The following SBF1 variants were observed in gnomAD, a reference collection of about 807,000 sequenced individuals.
SBF1 encodes the protein SET binding factor 1, also known as myotubularin-related protein 5.
A neutral mutation model predicts 215.8 loss-of-function variants in SBF1; 65 were observed. The observed-to-expected ratio is 0.30, with a 90% CI of 0.25 to 0.37. The LOEUF (loss-of-function observed/expected upper bound fraction) is 0.37. Ranked by LOEUF, SBF1 falls within the 10% of genes least tolerant of loss-of-function variation. SBF1 has a pLI of 1.00. For missense variants in SBF1, 2,634 were observed against 2,667.8 expected, an observed-to-expected ratio of 0.99 and a Z score of 0.28; for synonymous variants, 1,410 against 1,122.8, an observed-to-expected ratio of 1.26 and a Z score of -5.11.
At chr22:50,469,690 G>A (rs2067925667) in intron 1 of SBF1, among the ~76,000 whole-genome samples, 1 of 152,202 alleles carries the variant, frequency 6.6e-6, no homozygotes, top group Non-Finnish European at 1.5e-5. Flanking sequence ...GGAAGCAGCA[G>A]AGCCAGATGG....
chr22:50,451,161 C>T (rs539946671), intron 36 of SBF1, among the ~76,000 whole-genome samples: 7 of 92,612 alleles, frequency 7.6e-5, no homozygotes, highest in African/African-American at 3.5e-4. Flanking sequence ...GAGACCCCAT[C>T]TCTACAAAAA....
rs912964130 is a variant in SBF1, at chr22:50,447,689, G to A, written c.5364-80C>T. The A allele has an allele frequency of 3.8e-6, 4 of 1,042,812 alleles. No homozygotes were observed. In the African/African-American group the frequency reaches 4.7e-5, roughly 12 times the overall value. The allele number at this position is 1,042,812 out of a possible 1,614,324, so 64.6% of individuals were successfully genotyped here. ...AGGCCCCAGCAGTCGTCCCCCCCTT[G>A]CTGTCCCAGCCCAGGAGGTAAGACC... On this transcript the variant is annotated intron_variant, in intron 38 of 40. Coordinates refer to ENST00000380817, the MANE Select transcript of SBF1 (RefSeq NM_002972.4).
chr22:50,464,464 C>G (rs768413358), intron 14 of SBF1, 23 bp from the exon 15 acceptor site: 1 of 1,608,018 alleles, frequency 6.2e-7, no homozygotes, highest in Non-Finnish European at 8.5e-7. Context: ...AATACACACA[C>G]TCGGACCCCT....
chr22:50,456,615 G>A lies in SBF1; in HGVS notation c.3963C>T (p.Gly1321=), dbSNP rs371004937. 4 of 1,520,936 alleles carry A rather than the reference G, an allele frequency of 2.6e-6. No individual in the cohort carries two copies. Among genetic ancestry groups the A allele is most frequent in the Non-Finnish European group, 3.5e-6 (4 of 1,136,516 alleles). 94.2% of individuals were successfully genotyped at this position (1,520,936 alleles called of 1,614,324 possible). ...GCGCGTCTCTGCCAGCTAGCCGGGA[G>A]CCCACATCGGTGCCAAGGCCACTGC... ...GRSSGLGTDV[G]SRLAGRDALA... The change falls in exon 30 of 41, where the codon GGC becomes GGT. Residue 1321 remains glycine, a synonymous_variant. Coordinates refer to ENST00000380817, the MANE Select transcript of SBF1 (RefSeq NM_002972.4).
rs990698583 is a variant in SBF1, at chr22:50,445,494, A to T, written c.*1648T>A. ...AACCCGCTCAGCTCCCCAGAGGCCG[A>T]GTCTCTGCCCCAGCTACACATTGAG... On this transcript the variant is annotated 3_prime_UTR_variant, in exon 41 of 41. Coordinates refer to ENST00000380817, the MANE Select transcript of SBF1 (RefSeq NM_002972.4). 2.6e-5 allele frequency: 4 copies of T among 152,200 alleles called. No homozygotes were observed. The highest frequency in any genetic ancestry group is 4.8e-5 in the African/African-American group (2 of 41,412). The allele number at this position is 152,200 out of a possible 1,614,324, so 9.4% of individuals were successfully genotyped here. A position where few individuals can be genotyped will look rare whatever the true frequency, so the allele number is the denominator to read the frequency against.
chr22:50,456,485 C>A lies in SBF1; in HGVS notation c.4086+7G>T. 1 of 1,524,396 alleles carries A rather than the reference C, an allele frequency of 6.6e-7. No homozygotes were observed. The allele number at this position is 1,524,396 out of a possible 1,614,324, so 94.4% of individuals were successfully genotyped here. ...CCCTCACCCCCCACCCCCCGCACCC[C>A]AGTCACCTTGAGCTGGGCTTTGTCC... On this transcript the variant is annotated splice_region_variant and intron_variant, in intron 30 of 40. Coordinates refer to ENST00000380817, the MANE Select transcript of SBF1 (RefSeq NM_002972.4).
chr22:50,465,891 C>A (rs776395677), intron 9 of SBF1, 51 bp from the exon 10 acceptor site: 11 of 1,610,940 alleles, frequency 6.8e-6, no homozygotes, highest in Non-Finnish European at 9.3e-6. Flanking sequence ...CGGCTCTAGG[C>A]TCCCCGTGCT....
In SBF1 at chr22:50,464,985, C is replaced by A. The variant is rs761313620; in HGVS notation, c.1332+16G>T. 1.2e-6 allele frequency: 2 copies of A among 1,613,792 alleles called. No homozygotes were observed. Among genetic ancestry groups the A allele is most frequent in the Admixed American group, 3.3e-5 (2 of 60,010 alleles). ...GAGCCAGGGCAGGGGGCTGGGAGGG[C>A]AGGGTGGAGGTGCACCTCATCGAAC... On this transcript the variant is annotated intron_variant, in intron 12 of 40. Transcript: ENST00000380817.
In SBF1 at chr22:50,448,614, C is replaced by T. The variant is rs745758511; in HGVS notation, c.5080G>A (p.Ala1694Thr). The change falls in exon 37 of 41, where the codon GCT becomes ACT. Residue 1694 changes from alanine to threonine, a missense_variant. Ala to Thr is a moderately conservative substitution (Grantham distance 58). Transcript: ENST00000380817. The stretch of plus-strand genomic sequence containing the variant: ...TCCCAGGTGTCCTTCCAGCGCTCAG[C>T]GGGTTGGCCCAACTCTGTCTCCAGC... Reference protein sequence around the residue: ...QRLETELGQPAERWKDTWDRV... With the variant: ...QRLETELGQPTERWKDTWDRV... The T allele has an allele frequency of 9.9e-6, 16 of 1,611,642 alleles. No homozygotes were observed. The highest frequency in any genetic ancestry group is 4.4e-5 in the South Asian group (4 of 91,086).
chr22:50,465,464 T>C, intron 10 of SBF1, 136 bp from the exon 11 acceptor site: 2 of 753,234 alleles, frequency 2.7e-6, no homozygotes, highest in Non-Finnish European at 4.3e-6. Flanking sequence ...CATTCTGCAC[T>C]CAGGGCCACC....
intron 36 of SBF1, among the ~76,000 whole-genome samples, chr22:50,451,736 A>G (rs2067054382): frequency 6.6e-6 from 1 of 152,120 alleles, no homozygotes; most frequent in South Asian, 2.1e-4. Flanking sequence ...GTTTATAAGG[A>G]TAAGAATCAA....
intron 17 of SBF1, 65 bp from the exon 18 acceptor site, chr22:50,462,782 C>T (rs574154256): frequency 3.1e-6 from 5 of 1,608,282 alleles, no homozygotes; most frequent in African/African-American, 1.3e-5. Flanking sequence ...AAGGAGACCT[C>T]GGCCACCAGG....
intron 36 of SBF1, among the ~76,000 whole-genome samples, chr22:50,452,648 A>C (rs986871731): frequency 3.5e-5 from 5 of 144,528 alleles, no homozygotes; most frequent in African/African-American, 1.3e-4. Context: ...ACCTGAACTC[A>C]GAGGCAGAGG....
intron 36 of SBF1, among the ~76,000 whole-genome samples, chr22:50,452,913 AAC>A (rs1167889530): frequency 1.3e-5 from 2 of 152,190 alleles, no homozygotes; most frequent in Non-Finnish European, 2.9e-5. Context: ...CCTGAAACAC[AAC>A]ACAGAGATGT....
intron 1 of SBF1, among the ~76,000 whole-genome samples, chr22:50,472,158 C>T (rs1301449179): frequency 6.6e-6 from 1 of 152,204 alleles, no homozygotes; most frequent in African/African-American, 2.4e-5. Context: ...GATGGGCCAG[C>T]GCTGGCCACC....
rs766003271 is a variant in SBF1, at chr22:50,446,790, G to A, written c.*352C>T. ...GAGCAGGCAGCCGGGGAGTGGGGAA[G>A]GCAGGCACAGGAGCGTGGCGTTAGT... On this transcript the variant is annotated 3_prime_UTR_variant, in exon 41 of 41. Transcript: ENST00000380817. 8.4e-6 allele frequency: 5 copies of A among 594,622 alleles called. No homozygotes were observed. In the Admixed American group the frequency reaches 9.9e-5, roughly 12 times the overall value. 36.8% of individuals were successfully genotyped at this position (594,622 alleles called of 1,614,324 possible). A position where few individuals can be genotyped will look rare whatever the true frequency, so the allele number is the denominator to read the frequency against.
chr22:50,448,125 T>C, intron 38 of SBF1, 108 bp downstream of exon 38: 1 of 1,043,246 alleles, frequency 9.6e-7, no homozygotes, highest in South Asian at 1.4e-5. Flanking sequence ...TGGTGTATAC[T>C]TAAGCAAGCT....
At chr22:50,462,183 C>A in intron 19 of SBF1, 22 bp downstream of exon 19, 1 of 1,606,832 alleles carries the variant, frequency 6.2e-7, no homozygotes, top group Non-Finnish European at 8.5e-7. Flanking sequence ...CCACTGGGCC[C>A]AACCCCCAGT....
chr22:50,459,938 T>C lies in SBF1; in HGVS notation c.3491+14A>G. The C allele has an allele frequency of 6.2e-7, 1 of 1,612,690 alleles. No homozygotes were observed. The highest frequency in any genetic ancestry group is 8.5e-7 in the Non-Finnish European group (1 of 1,179,316). ...ACGTGTCCACCACCCGGGCCAGCCC[T>C]GGCCGGCCCTCACCTGCGGCAGATG... is the stretch of plus-strand genomic sequence containing the variant. On this transcript the variant is annotated intron_variant, in intron 26 of 40. Transcript: ENST00000380817.
Sources: allele counts gnomAD v4.1 joint callset (sites outside exome capture counted in the v4.1 genomes callset), GRCh38; gene constraint gnomAD v4.1.1; transcripts MANE v1.5; gene names NCBI Gene and HGNC (gene_info 2026-07-23, HGNC 2026-07-21).